The following FHIP1A variants were observed in gnomAD, a reference collection of about 807,000 sequenced individuals.
FHIP1A encodes FHF complex subunit HOOK interacting protein 1A.
Under a neutral mutation model 88.6 loss-of-function variants are expected in FHIP1A, and 61 were observed. The observed-to-expected ratio is 0.69, with a 90% CI of 0.56 to 0.85. The LOEUF (loss-of-function observed/expected upper bound fraction) is 0.85. Among genes scored for constraint, FHIP1A ranks in the 40% least tolerant of loss-of-function variants. The pLI is 0.00. For synonymous variants in FHIP1A, 478 were observed against 496.0 expected, an observed-to-expected ratio of 0.96 and a Z score of 0.48; for missense variants, 1,154 against 1,273.5, an observed-to-expected ratio of 0.91 and a Z score of 1.43.
At chr4:151,661,653 CTGA>C (rs1448003242) in intron 13 of FHIP1A, among the ~76,000 whole-genome samples, 2 of 152,028 alleles carry the variant, frequency 1.3e-5, no homozygotes, top group Non-Finnish European at 2.9e-5. Flanking sequence ...TATATGAGGG[CTGA>C]TGATGTTCAG....
chr4:151,515,217 C>G (rs1012208748), intron 3 of FHIP1A, among the ~76,000 whole-genome samples: 18 of 149,046 alleles, frequency 1.2e-4, no homozygotes, highest in Admixed American at 1.1e-3. Flanking sequence ...ATGATTATCT[C>G]AATAGATGCA....
At chr4:151,495,933 T>C (rs1361474855) in intron 3 of FHIP1A, among the ~76,000 whole-genome samples, 2 of 152,144 alleles carry the variant, frequency 1.3e-5, no homozygotes. Flanking sequence ...TATATATTCT[T>C]TTCTTACAAT....
At chr4:151,599,173 A>G (rs1218828136) in intron 7 of FHIP1A, among the ~76,000 whole-genome samples, 1 of 152,188 alleles carries the variant, frequency 6.6e-6, no homozygotes, top group Non-Finnish European at 1.5e-5. Flanking sequence ...AAATGATACT[A>G]TGTTAACATA....
intron 2 of FHIP1A, among the ~76,000 whole-genome samples, chr4:151,470,929 G>A (rs1729485788): frequency 6.6e-6 from 1 of 152,188 alleles, no homozygotes; most frequent in Non-Finnish European, 1.5e-5. Flanking sequence ...GGCAGGGACA[G>A]TAGGTGTGAT....
chr4:151,613,223 G>C (rs942286246), intron 7 of FHIP1A, among the ~76,000 whole-genome samples: 4 of 152,114 alleles, frequency 2.6e-5, no homozygotes, highest in Non-Finnish European at 5.9e-5. Flanking sequence ...ATTATTCCTG[G>C]GAAACCCGCT....
intron 1 of FHIP1A, among the ~76,000 whole-genome samples, chr4:151,433,094 G>C (rs964708670): frequency 6.6e-6 from 1 of 152,066 alleles, no homozygotes; most frequent in African/African-American, 2.4e-5. Context: ...AAAGCCTTTC[G>C]GGTTAGGCCT....
chr4:151,413,594 A>G (rs1732763074), intron 1 of FHIP1A, among the ~76,000 whole-genome samples: 1 of 152,088 alleles, frequency 6.6e-6, no homozygotes, highest in South Asian at 2.1e-4. Context: ...AGCTGGGACT[A>G]TAGGCATGCA....
At chr4:151,553,071 A>G (rs1370313211) in intron 3 of FHIP1A, among the ~76,000 whole-genome samples, 1 of 152,192 alleles carries the variant, frequency 6.6e-6, no homozygotes, top group Non-Finnish European at 1.5e-5. Context: ...TGTGCTTTGT[A>G]TTATAATTAT....
At chr4:151,451,947 A>G (rs1728806409) in intron 1 of FHIP1A, among the ~76,000 whole-genome samples, 1 of 151,700 alleles carries the variant, frequency 6.6e-6, no homozygotes, top group Non-Finnish European at 1.5e-5. Context: ...CAGCCTTCCA[A>G]GTAGCTGGGA....
At chr4:151,630,654 T>G (rs1736123659) in intron 8 of FHIP1A, among the ~76,000 whole-genome samples, 2 of 152,064 alleles carry the variant, frequency 1.3e-5, no homozygotes, top group South Asian at 4.2e-4. Context: ...AATTAAAATG[T>G]TATACTAGAG....
chr4:151,442,255 G>C (rs1434930632), intron 1 of FHIP1A, among the ~76,000 whole-genome samples: 1 of 151,996 alleles, frequency 6.6e-6, no homozygotes, highest in Admixed American at 6.6e-5. Context: ...CTTGGTTACT[G>C]TGCAGTTCCA....
At chr4:151,446,064 T>C (rs1325603489) in intron 1 of FHIP1A, among the ~76,000 whole-genome samples, 1 of 151,802 alleles carries the variant, frequency 6.6e-6, no homozygotes, top group African/African-American at 2.4e-5. Flanking sequence ...TGTTTAGTTT[T>C]ACTAGGTGAT....
intron 13 of FHIP1A, among the ~76,000 whole-genome samples, chr4:151,660,009 A>C (rs890784452): frequency 6.6e-6 from 1 of 152,168 alleles, no homozygotes; most frequent in Admixed American, 6.5e-5. Context: ...GAGCCCTTTT[A>C]CTGGGCACTG....
At chr4:151,435,389 C>A (rs1335586988) in intron 1 of FHIP1A, among the ~76,000 whole-genome samples, 3 of 152,118 alleles carry the variant, frequency 2.0e-5, no homozygotes, top group African/African-American at 7.2e-5. Flanking sequence ...AAATAAAAAT[C>A]TTTTAAATTA....
At chr4:151,652,030 A>G (rs1358363756) in intron 11 of FHIP1A, among the ~76,000 whole-genome samples, 2 of 152,210 alleles carry the variant, frequency 1.3e-5, no homozygotes, top group Non-Finnish European at 2.9e-5. Context: ...TTAGCATGTC[A>G]CAGCTTGCCT....
At chr4:151,504,506 T>C (rs1411226290) in intron 3 of FHIP1A, among the ~76,000 whole-genome samples, 3 of 152,164 alleles carry the variant, frequency 2.0e-5, no homozygotes, top group Non-Finnish European at 4.4e-5. Context: ...GAAACCCAAC[T>C]CAAACCTGTT....
chr4:151,484,222 C>T (rs911245699), intron 3 of FHIP1A, among the ~76,000 whole-genome samples: 2 of 152,136 alleles, frequency 1.3e-5, no homozygotes, highest in Non-Finnish European at 2.9e-5. Context: ...CTGGGGATAA[C>T]CTATAGTCGT....
intron 7 of FHIP1A, among the ~76,000 whole-genome samples, chr4:151,594,962 T>G (rs549443703): frequency 6.6e-6 from 1 of 152,308 alleles, no homozygotes; most frequent in East Asian, 1.9e-4. Context: ...TTTGTTAATC[T>G]TTTCAAAAAA....
At chr4:151,563,401 C>T (rs1396588398) in intron 3 of FHIP1A, among the ~76,000 whole-genome samples, 2 of 152,090 alleles carry the variant, frequency 1.3e-5, no homozygotes, top group Admixed American at 1.3e-4. Context: ...CTCTCTCAGG[C>T]ATGAAATTTG....
Sources: gnomAD v4.1 joint callset for allele counts (sites outside exome capture counted in the v4.1 genomes callset) on GRCh38, gnomAD v4.1.1 for gene constraint, MANE v1.5 for transcripts, NCBI Gene and HGNC (gene_info 2026-07-23, HGNC 2026-07-21) for gene names.